The following RFC3 variants were observed in gnomAD, a reference collection of about 807,000 sequenced individuals.
RFC3 encodes the protein replication factor C subunit 3, also known as A1 38 kDa subunit.
A neutral mutation model predicts 45.1 loss-of-function variants in RFC3; 41 were observed. The ratio of observed to expected loss-of-function variants is 0.91; its 90% confidence interval spans 0.71 to 1.18. The LOEUF is 1.18. RFC3 is among the 50% of genes most tolerant of loss of function. RFC3 has a pLI of 0.00. For missense variants in RFC3, 423 were observed against 428.1 expected (o/e 0.99, Z 0.10); for synonymous variants, 149 against 144.0 (o/e 1.03, Z -0.25).
chr13:33,963,914 T>C (rs1225615189), intron 8 of RFC3, among the ~76,000 whole-genome samples: 1 of 152,244 alleles, frequency 6.6e-6, no homozygotes, highest in African/African-American at 2.4e-5. Context: ...ATCTACTTTA[T>C]TTATGATGGA....
intron 8 of RFC3, among the ~76,000 whole-genome samples, chr13:33,919,509 T>C (rs1361921114): frequency 6.6e-6 from 1 of 152,160 alleles, no homozygotes; most frequent in African/African-American, 2.4e-5. Context: ...ATTTGTACTG[T>C]GGTTATGAGA....
chr13:33,854,194 G>A (rs187947771), intron 8 of RFC3, among the ~76,000 whole-genome samples: 84 of 152,236 alleles, frequency 5.5e-4, no homozygotes, highest in African/African-American at 1.9e-3. Context: ...AAATCTGAAC[G>A]GTGAACAGAG....
downstream of RFC3, among the ~76,000 whole-genome samples, chr13:33,842,120 T>C (rs761633829): frequency 2.6e-5 from 4 of 151,934 alleles, no homozygotes; most frequent in African/African-American, 7.3e-5. Flanking sequence ...TCTCTACAAA[T>C]GATAAACAAA....
chr13:33,942,134 G>A (rs1439018172), intron 8 of RFC3, among the ~76,000 whole-genome samples: 1 of 151,830 alleles, frequency 6.6e-6, no homozygotes, highest in Non-Finnish European at 1.5e-5. Flanking sequence ...TAAAGTGTGT[G>A]TTTGATAAAT....
At chr13:33,900,232 GA>G (rs2082631251) in intron 8 of RFC3, among the ~76,000 whole-genome samples, 1 of 151,720 alleles carries the variant, frequency 6.6e-6, no homozygotes, top group Admixed American at 6.6e-5. Context: ...GCAATCCCGA[GA>G]AAAAAGAACA....
intron 8 of RFC3, among the ~76,000 whole-genome samples, chr13:33,952,350 G>A (rs918236588): frequency 1.3e-5 from 2 of 152,200 alleles, no homozygotes; most frequent in African/African-American, 4.8e-5. Flanking sequence ...GATAATGGAA[G>A]CAACTGCAGA....
At chr13:33,923,362 T>C (rs1234892476) in intron 8 of RFC3, among the ~76,000 whole-genome samples, 2 of 152,018 alleles carry the variant, frequency 1.3e-5, no homozygotes, top group African/African-American at 4.8e-5. Context: ...GCCCAAAAAA[T>C]GCCAGGAATA....
chr13:33,836,143 C>A lies in RFC3; in HGVS notation c.919C>A (p.Leu307Met), dbSNP rs1490673202. The A allele has an allele frequency of 2.5e-6, 4 of 1,612,944 alleles. No individual in the cohort carries two copies. Among genetic ancestry groups the A allele is most frequent in the Non-Finnish European group, 3.4e-6 (4 of 1,179,182 alleles). Reference protein sequence around the residue: ...SELLHNCDGQLKGEVAQMAAY... With the variant: ...SELLHNCDGQMKGEVAQMAAY... ...ACTGTTACATAATTGTGATGGACAA[C>A]TGAAAGGGGAGGTGGCACAAATGGC... is the stretch of plus-strand genomic sequence containing the variant. Residue 307 changes from leucine to methionine, a missense_variant, in exon 9 of 9, where the codon CTG (leucine) becomes ATG (methionine). Transcript: ENST00000380071.
downstream of RFC3, among the ~76,000 whole-genome samples, chr13:33,841,680 G>C (rs1233794804): frequency 6.6e-6 from 1 of 152,142 alleles, no homozygotes. Flanking sequence ...CTGCATAGGG[G>C]TCTATGCCCT....
In RFC3 at chr13:33,831,784, C is replaced by G. The variant is rs139934703; in HGVS notation, c.809+430C>G. Among the ~76,000 whole-genome samples the G allele has an allele frequency of 6.1e-3, 922 of 152,234 alleles. 7 individuals are homozygous for G. Among genetic ancestry groups the G allele is most frequent in the Non-Finnish European group, 0.011 (717 of 67,976 alleles). ...GACTTCTAGTTCTTGTCCTGAACTC[C>G]TAGCTAAGTGTTCTTGATCAGGTAA... On this transcript the variant is annotated intron_variant, in intron 7 of 8. Coordinates refer to ENST00000380071, the MANE Select transcript of RFC3 (RefSeq NM_002915.4).
At chr13:33,914,307 A>G (rs552146327) in intron 8 of RFC3, among the ~76,000 whole-genome samples, 1 of 152,246 alleles carries the variant, frequency 6.6e-6, no homozygotes, top group East Asian at 1.9e-4. Flanking sequence ...GAGCATTTGA[A>G]AAGTAATTAT....
intron 6 of RFC3, 59 bp downstream of exon 6, chr13:33,830,914 G>A: frequency 1.3e-6 from 2 of 1,510,160 alleles, no homozygotes; most frequent in Non-Finnish European, 1.8e-6. Flanking sequence ...TTGGCACCAG[G>A]GACCAGTTTT....
chr13:33,906,604 A>G (rs917684246), intron 8 of RFC3, among the ~76,000 whole-genome samples: 1 of 151,624 alleles, frequency 6.6e-6, no homozygotes, highest in South Asian at 2.1e-4. Flanking sequence ...TGAAAGGGCT[A>G]CTCCTTTTCC....
chr13:33,907,713 C>G (rs1352918626), intron 8 of RFC3, among the ~76,000 whole-genome samples: 2 of 152,032 alleles, frequency 1.3e-5, no homozygotes, highest in African/African-American at 4.8e-5. Context: ...TTGGCTGTCT[C>G]TAAAGACCAC....
chr13:33,902,579 G>A (rs941170953), intron 8 of RFC3, among the ~76,000 whole-genome samples: 13 of 152,004 alleles, frequency 8.6e-5, no homozygotes, highest in Non-Finnish European at 1.9e-4. Context: ...GTGTATATCA[G>A]ATAGTTTAGT....
chr13:33,928,838 G>GC (rs1555242250), intron 8 of RFC3, among the ~76,000 whole-genome samples: 6 of 151,448 alleles, frequency 4.0e-5, no homozygotes, highest in Admixed American at 1.3e-4. Context: ...AATGTCTGGG[G>GC]GGGGAAGTGA....
At chr13:33,863,001 G>T (rs1397081909) in intron 8 of RFC3, among the ~76,000 whole-genome samples, 2 of 152,130 alleles carry the variant, frequency 1.3e-5, no homozygotes, top group East Asian at 3.8e-4. Flanking sequence ...TCTAAGAAAA[G>T]TTGTGAAAAT....
At chr13:33,857,666 A>G (rs1249137697) in intron 8 of RFC3, among the ~76,000 whole-genome samples, 1 of 152,140 alleles carries the variant, frequency 6.6e-6, no homozygotes, top group Non-Finnish European at 1.5e-5. Flanking sequence ...CTCTTTGCTC[A>G]TTAAAACCCA....
the RFC3 span, among the ~76,000 whole-genome samples, chr13:33,977,098 A>G: frequency 6.6e-6 from 1 of 152,138 alleles, no homozygotes; most frequent in Non-Finnish European, 1.5e-5. Flanking sequence ...CCTGACCAGT[A>G]TTCCTCAAAA....
Sources: allele counts gnomAD v4.1 joint callset (sites outside exome capture counted in the v4.1 genomes callset), GRCh38; gene constraint gnomAD v4.1.1; transcripts MANE v1.5; gene names NCBI Gene and HGNC (gene_info 2026-07-23, HGNC 2026-07-21).